ESRRB: variants seen among roughly 807,000 people sequenced by gnomAD.
The protein encoded by ESRRB is steroid hormone receptor ERR2.
Under a neutral mutation model 46.0 loss-of-function variants are expected in ESRRB, and 16 were observed. That is an observed-to-expected ratio of 0.35 (90% confidence interval 0.24 to 0.53). The LOEUF is 0.53. Ranked by LOEUF, ESRRB falls within the 20% of genes least tolerant of loss-of-function variation. The pLI is 0.93. For missense variants in ESRRB, 488 were observed against 607.4 expected, an observed-to-expected ratio of 0.80 and a Z score of 2.07; for synonymous variants, 246 against 259.6, an observed-to-expected ratio of 0.95 and a Z score of 0.50.
chr14:76,327,215 C>T lies in ESRRB; in HGVS notation c.2+16299C>T, dbSNP rs200058025. ...TGTCTCTTGCATATGCAGCTGCCTG[C>T]GTGTCACCCAGGGCTGGGGACCCAC... On this transcript the variant is annotated intron_variant, in intron 1 of 6. Transcript: ENST00000512784. Among the ~76,000 whole-genome samples the T allele has an allele frequency of 1.6e-4, 24 of 152,322 alleles. No homozygotes were observed. In the East Asian group the frequency reaches 4.3e-3, roughly 27 times the overall value.
chr14:76,449,764 T>TTC (rs1319997882), intron 2 of ESRRB, among the ~76,000 whole-genome samples: 38 of 147,182 alleles, frequency 2.6e-4, no homozygotes, highest in African/African-American at 9.2e-4. Context: ...TTCTTTCCTT[T>TTC]TTTTTTTTTT....
rs985992631 is a variant in ESRRB, at chr14:76,499,459, C to T, written c.*1001C>T. ...TCATCTTTGCCAAGCACAGAAAGGC[C>T]GAGCAGCTGAGATAAGTAGGCAGGG... On this transcript the variant is annotated 3_prime_UTR_variant, in exon 7 of 7. Transcript: ENST00000644823. The T allele has an allele frequency of 5.8e-6, 2 of 345,018 alleles. No individual in the cohort carries two copies. The highest frequency in any genetic ancestry group is 4.3e-5 in the African/African-American group (2 of 46,928). 21.4% of individuals were successfully genotyped at this position (345,018 alleles called of 1,614,324 possible). A position where few individuals can be genotyped will look rare whatever the true frequency, so the allele number is the denominator to read the frequency against.
chr14:76,370,035 A>G (rs915336449), upstream of ESRRB, among the ~76,000 whole-genome samples: 2 of 152,190 alleles, frequency 1.3e-5, no homozygotes, highest in Non-Finnish European at 2.9e-5. Context: ...TTCTTCTACC[A>G]GTGATGAGAC....
intron 1 of ESRRB, among the ~76,000 whole-genome samples, chr14:76,325,350 A>G (rs1396544714): frequency 6.6e-6 from 1 of 152,104 alleles, no homozygotes; most frequent in Admixed American, 6.5e-5. Context: ...TGAAATATCA[A>G]ATTAGTTAGG....
intron 1 of ESRRB, among the ~76,000 whole-genome samples, chr14:76,347,441 C>CTGTTCTTTCTAT (rs1271655826): frequency 5.9e-5 from 2 of 33,860 alleles, no homozygotes; most frequent in African/African-American, 7.4e-5. Flanking sequence ...GTGTCACACA[C>CTGTTCTTTCTAT]ACACACCGAG....
At chr14:76,371,584 G>A (rs1884626278), upstream of ESRRB, 1 of 152,286 alleles carries the variant, frequency 6.6e-6, no homozygotes, top group South Asian at 2.1e-4. Context: ...TCCTGGGCTG[G>A]TGGTAAGAAG....
chr14:76,424,574 G>T (rs776939641), intron 1 of ESRRB, among the ~76,000 whole-genome samples: 1 of 152,248 alleles, frequency 6.6e-6, no homozygotes, highest in Non-Finnish European at 1.5e-5. Flanking sequence ...TGTGTGATCA[G>T]AGTGGAGGTC....
At chr14:76,365,301 C>T (rs1884507257) in intron 1 of ESRRB, among the ~76,000 whole-genome samples, 1 of 152,138 alleles carries the variant, frequency 6.6e-6, no homozygotes, top group Non-Finnish European at 1.5e-5. Context: ...AAAGTGAGAC[C>T]CTTGTCTCTA....
upstream of ESRRB, among the ~76,000 whole-genome samples, chr14:76,375,744 T>G (rs758139231): frequency 1.3e-5 from 2 of 152,220 alleles, no homozygotes; most frequent in Non-Finnish European, 2.9e-5. Context: ...TGACTCATTT[T>G]TAATTTGGAA....
intron 3 of ESRRB, among the ~76,000 whole-genome samples, chr14:76,473,557 C>T (rs550639180): frequency 5.9e-5 from 9 of 152,200 alleles, no homozygotes; most frequent in South Asian, 4.1e-4. Flanking sequence ...GAGCTTTAGC[C>T]GGCTATTTTT....
chr14:76,374,905 T>C (rs1342740565), upstream of ESRRB, among the ~76,000 whole-genome samples: 1 of 152,170 alleles, frequency 6.6e-6, no homozygotes, highest in Non-Finnish European at 1.5e-5. Context: ...AAAAATCATC[T>C]GCGATCCTTC....
intron 1 of ESRRB, among the ~76,000 whole-genome samples, chr14:76,390,060 C>T (rs553481510): frequency 9.2e-5 from 14 of 152,180 alleles, no homozygotes; most frequent in Non-Finnish European, 1.8e-4. Context: ...GGCCATTAAA[C>T]ATTTATTACC....
chr14:76,354,440 C>T (rs968806053), intron 1 of ESRRB, among the ~76,000 whole-genome samples: 2 of 152,042 alleles, frequency 1.3e-5, no homozygotes, highest in African/African-American at 4.8e-5. Flanking sequence ...TTCCAGGGAC[C>T]TATCTCACCA....
chr14:76,410,498 C>T (rs1320916671), intron 1 of ESRRB, among the ~76,000 whole-genome samples: 1 of 152,118 alleles, frequency 6.6e-6, no homozygotes, highest in Non-Finnish European at 1.5e-5. Context: ...TCCATGTGCA[C>T]TCATACACAG....
At chr14:76,451,226 A>G (rs1888368869) in intron 2 of ESRRB, among the ~76,000 whole-genome samples, 1 of 152,218 alleles carries the variant, frequency 6.6e-6, no homozygotes, top group Non-Finnish European at 1.5e-5. Flanking sequence ...GGAACAGTTA[A>G]GTAAGGAGTC....
At chr14:76,477,739 A>AC (rs1471141812) in intron 3 of ESRRB, among the ~76,000 whole-genome samples, 1 of 148,568 alleles carries the variant, frequency 6.7e-6, no homozygotes, top group East Asian at 2.1e-4. Context: ...CCAACAGGCT[A>AC]CTGTTTTTTT....
intron 2 of ESRRB, among the ~76,000 whole-genome samples, chr14:76,448,127 C>T (rs138390967): frequency 1.7e-4 from 26 of 152,260 alleles, no homozygotes; most frequent in African/African-American, 5.8e-4. Context: ...CTACTCCCAG[C>T]TTGTGTCCCT....
At chr14:76,439,160 TAA>T (rs1887799784) in intron 1 of ESRRB, among the ~76,000 whole-genome samples, 179 bp from the exon 2 acceptor site, 3 of 152,146 alleles carry the variant, frequency 2.0e-5, no homozygotes, top group Admixed American at 2.0e-4. Context: ...GTTTTGGAGG[TAA>T]TGCCAGAAAC....
chr14:76,403,185 C>A (rs1046133289), intron 1 of ESRRB, among the ~76,000 whole-genome samples: 2 of 152,186 alleles, frequency 1.3e-5, no homozygotes, highest in African/African-American at 4.8e-5. Flanking sequence ...ATCTTTTCAA[C>A]CACTTTTTGC....
Sources: allele counts gnomAD v4.1 joint callset (sites outside exome capture counted in the v4.1 genomes callset), GRCh38; gene constraint gnomAD v4.1.1; transcripts MANE v1.5; gene names NCBI Gene and HGNC (gene_info 2026-07-23, HGNC 2026-07-21).